Variants in RALYL observed in about 807,000 individuals in gnomAD.
RALYL encodes the protein RALY RNA binding protein like, also known as RNA-binding Raly-like protein.
In RALYL, 29 loss-of-function variants were observed where a neutral mutation model predicts 35.1. The ratio of observed to expected loss-of-function variants is 0.83; its 90% CI spans 0.61 to 1.13. The LOEUF (loss-of-function observed/expected upper bound fraction) is 1.13. Among genes scored for constraint, RALYL ranks in the 50% most tolerant of loss-of-function variants. RALYL has a pLI of 0.00. For missense variants in RALYL, 359 were observed against 360.4 expected (o/e 1.00, Z 0.03); for synonymous variants, 120 against 127.6 (o/e 0.94, Z 0.40).
intron 1 of RALYL, among the ~76,000 whole-genome samples, chr8:84,241,507 G>A (rs1827866598): frequency 6.6e-6 from 1 of 152,066 alleles, no homozygotes; most frequent in Non-Finnish European, 1.5e-5. Context: ...GCCTGGCGCG[G>A]TGGCTCATGC....
At chr8:84,300,013 C>T (rs952543201) in intron 1 of RALYL, among the ~76,000 whole-genome samples, 40 of 151,804 alleles carry the variant, frequency 2.6e-4, no homozygotes, top group Middle Eastern at 3.4e-3. Flanking sequence ...TTTTGAGTTC[C>T]TCTAAGAGTG....
At position 84,783,936 on chromosome 8, in the gene RALYL, G is replaced by A. The variant is rs142738329; in HGVS notation, c.332+9282G>A. Among the ~76,000 whole-genome samples, 4 of 152,292 alleles carry A rather than the reference G, an allele frequency of 2.6e-5. No homozygotes were observed. The East Asian group carries it at 7.7e-4, about 29-fold the overall frequency. On this transcript the variant is annotated intron_variant, in intron 3 of 8. Coordinates refer to ENST00000521268, the MANE Select transcript of RALYL (RefSeq NM_173848.7). Reference sequence around the variant, plus strand: ...CCAGCCAGGAAGTCTAAAAGCTAGGGCTCAGGTTCAGGTTTCCTGCCTCCA... The same window carrying A: ...CCAGCCAGGAAGTCTAAAAGCTAGGACTCAGGTTCAGGTTTCCTGCCTCCA...
At chr8:84,779,966 A>G (rs547858590) in intron 3 of RALYL, among the ~76,000 whole-genome samples, 1 of 152,380 alleles carries the variant, frequency 6.6e-6, no homozygotes, top group East Asian at 1.9e-4. Context: ...AAGGAAAAAC[A>G]TCCTGGTCAT....
chr8:84,720,101 T>C (rs568697816), intron 2 of RALYL, among the ~76,000 whole-genome samples: 1 of 152,258 alleles, frequency 6.6e-6, no homozygotes, highest in African/African-American at 2.4e-5. Context: ...TTCCAATCTT[T>C]TTTATGGCTA....
At chr8:84,430,644 C>A (rs2047048068) in intron 1 of RALYL, among the ~76,000 whole-genome samples, 1 of 151,978 alleles carries the variant, frequency 6.6e-6, no homozygotes, top group Non-Finnish European at 1.5e-5. Flanking sequence ...AATTGCACAG[C>A]ACAAGACACA....
At chr8:84,591,679 C>T (rs771346140) in intron 2 of RALYL, among the ~76,000 whole-genome samples, 2 of 152,156 alleles carry the variant, frequency 1.3e-5, no homozygotes, top group Non-Finnish European at 2.9e-5. Flanking sequence ...CATGGCTAAT[C>T]GTCTCCCAAT....
chr8:84,517,484 C>G (rs540304736), intron 1 of RALYL, among the ~76,000 whole-genome samples: 11 of 152,194 alleles, frequency 7.2e-5, no homozygotes, highest in Non-Finnish European at 1.3e-4. Context: ...CTGTTGAGAC[C>G]AACATGCTTA....
chr8:84,271,488 G>A (rs1419783481), intron 1 of RALYL, among the ~76,000 whole-genome samples: 2 of 150,374 alleles, frequency 1.3e-5, no homozygotes, highest in Admixed American at 6.7e-5. Flanking sequence ...GTGTGTGTGT[G>A]TGTTTTAACA....
At chr8:84,201,698 G>T (rs1816882111) in intron 1 of RALYL, among the ~76,000 whole-genome samples, 2 of 151,692 alleles carry the variant, frequency 1.3e-5, no homozygotes, top group Non-Finnish European at 2.9e-5. Context: ...TAGTAGCTGG[G>T]GCTGCAGGTG....
chr8:84,674,854 A>G (rs1214149684), intron 2 of RALYL, among the ~76,000 whole-genome samples: 1 of 152,126 alleles, frequency 6.6e-6, no homozygotes, highest in Non-Finnish European at 1.5e-5. Flanking sequence ...CATTTCTTAT[A>G]TTTTTGAAAC....
At chr8:84,379,057 G>A (rs967494355) in intron 1 of RALYL, among the ~76,000 whole-genome samples, 1 of 151,888 alleles carries the variant, frequency 6.6e-6, no homozygotes, top group African/African-American at 2.4e-5. Context: ...ATGTTCGACA[G>A]CCTGTGGATA....
intron 1 of RALYL, among the ~76,000 whole-genome samples, chr8:84,472,499 A>G (rs932738884): frequency 1.3e-5 from 2 of 152,242 alleles, no homozygotes; most frequent in Non-Finnish European, 2.9e-5. Context: ...TCAGAGGTCA[A>G]GAAATGTACC....
chr8:84,323,681 T>G (rs112255201), intron 1 of RALYL, among the ~76,000 whole-genome samples: 4,124 of 152,138 alleles, frequency 0.027, 102 homozygotes, highest in Non-Finnish European at 0.031. Context: ...TATCTTCAGA[T>G]AAACCAAATG....
chr8:84,349,749 C>T (rs908001443), intron 1 of RALYL, among the ~76,000 whole-genome samples: 2 of 150,454 alleles, frequency 1.3e-5, no homozygotes, highest in Non-Finnish European at 3.0e-5. Flanking sequence ...GCTACATCTT[C>T]AAGAGATATG....
At chr8:84,894,667 G>C (rs894282807) in intron 8 of RALYL, among the ~76,000 whole-genome samples, 2 of 152,142 alleles carry the variant, frequency 1.3e-5, no homozygotes, top group African/African-American at 4.8e-5. Context: ...TTTGATGTGA[G>C]AGAAAGTGTA....
intron 1 of RALYL, among the ~76,000 whole-genome samples, chr8:84,526,542 A>C (rs185549912): frequency 9.5e-4 from 145 of 152,262 alleles, no homozygotes; most frequent in African/African-American, 2.9e-3. Flanking sequence ...GTTTGCAATA[A>C]CTTCTTGCCC....
chr8:84,801,965 G>A (rs140271082), intron 3 of RALYL, among the ~76,000 whole-genome samples: 92 of 152,278 alleles, frequency 6.0e-4, no homozygotes, highest in African/African-American at 1.9e-3. Context: ...AACTTGATAT[G>A]TATTAAAAGT....
chr8:84,756,012 G>T (rs1811311972), intron 2 of RALYL, among the ~76,000 whole-genome samples: 1 of 151,984 alleles, frequency 6.6e-6, no homozygotes, highest in African/African-American at 2.4e-5. Flanking sequence ...CAGAAAATGT[G>T]TTTTAACTTA....
chr8:84,227,823 A>G (rs753579867), intron 1 of RALYL, among the ~76,000 whole-genome samples: 3 of 152,186 alleles, frequency 2.0e-5, no homozygotes, highest in Non-Finnish European at 2.9e-5. Context: ...ATAGTGCCTC[A>G]GAAAACAATT....
Sources: allele counts gnomAD v4.1 joint callset (sites outside exome capture counted in the v4.1 genomes callset), GRCh38; gene constraint gnomAD v4.1.1; transcripts MANE v1.5; gene names NCBI Gene and HGNC (gene_info 2026-07-23, HGNC 2026-07-21).